TNKS2: variants seen among roughly 807,000 people sequenced by gnomAD.
TNKS2 encodes the protein poly [ADP-ribose] polymerase tankyrase-2.
TNKS2 carries 72 observed loss-of-function variants against 137.6 expected under a neutral mutation model. That is an observed-to-expected ratio of 0.52 (90% CI 0.43 to 0.64). The LOEUF (loss-of-function observed/expected upper bound fraction) is 0.64, where lower values mean the gene tolerates loss of function less well. Ranked by LOEUF, TNKS2 falls within the 30% of genes least tolerant of loss-of-function variation. The pLI, the probability that TNKS2 is intolerant of heterozygous loss-of-function variation, is 0.00. For missense variants in TNKS2, 1,049 were observed against 1,410.2 expected, an observed-to-expected ratio of 0.74 and a Z score of 4.10; for synonymous variants, 516 against 512.1, an observed-to-expected ratio of 1.01 and a Z score of -0.10.
intron 2 of TNKS2, among the ~76,000 whole-genome samples, chr10:91,813,837 A>G (rs190442212): frequency 9.3e-4 from 142 of 152,286 alleles, no homozygotes; most frequent in East Asian, 3.9e-4. Context: ...CTGACTTTGT[A>G]GCAGTCCTAA....
intron 12 of TNKS2, 40 bp from the exon 13 acceptor site, chr10:91,836,879 A>C: frequency 6.3e-7 from 1 of 1,591,330 alleles, no homozygotes; most frequent in Non-Finnish European, 8.5e-7. Context: ...CATCTTCCAA[A>C]TAGAGGTTAG....
chr10:91,809,144 A>G (rs1377942277), intron 1 of TNKS2, among the ~76,000 whole-genome samples: 1 of 152,208 alleles, frequency 6.6e-6, no homozygotes. Flanking sequence ...TTTTTAAGAA[A>G]GGAAGATGTA....
chr10:91,829,444 A>C (rs1351215526), intron 9 of TNKS2, among the ~76,000 whole-genome samples: 2 of 152,160 alleles, frequency 1.3e-5, no homozygotes, highest in Non-Finnish European at 2.9e-5. Context: ...TAACCTTAAA[A>C]CACACTAGGA....
intron 11 of TNKS2, 88 bp from the exon 12 acceptor site, chr10:91,833,763 CTT>C: frequency 9.2e-7 from 1 of 1,090,204 alleles, no homozygotes; most frequent in Non-Finnish European, 1.2e-6. Flanking sequence ...AGAATTGAGA[CTT>C]AAAAGTAGTA....
Position 91,840,576 on chromosome 10 carries a change from C to T in TNKS2, c.1543C>T (p.Gln515Ter), listed in dbSNP as rs370769267. The change falls in exon 14 of 27, where the codon CAG becomes TAG. Residue 515 changes from glutamine (Q) to a stop codon, truncating the protein, a stop_gained. Transcript: ENST00000371627. LOFTEE classifies it high-confidence loss of function. The stretch of plus-strand genomic sequence containing the variant: ...TGTCCTTCAGAAACTGTGTACTGTT[C>T]AGAGTGTCAACTGCAGAGACATTGA... ...VETVKKLCTV[Q>*]SVNCRDIEGR... The T allele has an allele frequency of 6.2e-7, 1 of 1,613,946 alleles. No homozygotes were observed. Among genetic ancestry groups the T allele is most frequent in the Non-Finnish European group, 8.5e-7 (1 of 1,179,924 alleles).
intron 9 of TNKS2, among the ~76,000 whole-genome samples, chr10:91,828,867 G>GATA (rs1465562340): frequency 6.6e-6 from 1 of 152,122 alleles, no homozygotes; most frequent in Non-Finnish European, 1.5e-5. Context: ...TTACTTCCCT[G>GATA]ATAGGGGTAA....
intron 13 of TNKS2, among the ~76,000 whole-genome samples, chr10:91,839,065 C>A (rs1842125441): frequency 6.6e-6 from 1 of 152,186 alleles, no homozygotes; most frequent in African/African-American, 2.4e-5. Flanking sequence ...GACGGTTTCA[C>A]CATGTTGGCC....
chr10:91,810,281 G>T (rs142525218), intron 1 of TNKS2, among the ~76,000 whole-genome samples: 14,241 of 151,772 alleles, frequency 0.094, 755 homozygotes, highest in East Asian at 0.19. Context: ...AGGAAGCTAA[G>T]GCAGGAGAAT....
At position 91,798,867 on chromosome 10, in the gene TNKS2, C is replaced by G. The variant is rs1339179828; in HGVS notation, c.177C>G (p.Ser59=). Residue 59 remains serine, a synonymous_variant, in exon 1 of 27, where the codon TCC becomes TCG. Coordinates refer to ENST00000371627, the MANE Select transcript of TNKS2 (RefSeq NM_025235.4). ...GCCGCGACACGGCGGGCAGGAAATC[C>G]ACCCCGCTGCACTTCGCCGCAGGTA... ...VNSRDTAGRK[S]TPLHFAAGFG... is the part of the protein sequence containing the mutation. The G allele has an allele frequency of 1.0e-5, 14 of 1,361,666 alleles. No individual in the cohort carries two copies. Among genetic ancestry groups the G allele is most frequent in the Non-Finnish European group, 1.3e-5 (14 of 1,048,856 alleles). 84.3% of individuals were successfully genotyped at this position (1,361,666 alleles called of 1,614,324 possible).
chr10:91,836,059 T>TG (rs1293381620), intron 12 of TNKS2, among the ~76,000 whole-genome samples: 1 of 128,890 alleles, frequency 7.8e-6, no homozygotes, highest in Non-Finnish European at 1.7e-5. Context: ...TTTTTTTTTT[T>TG]GAGACGAAGT....
In TNKS2 at chr10:91,848,397, C is replaced by A; in HGVS notation, c.2373C>A (p.Ser791Arg). Residue 791 changes from serine (S) to arginine (R), a missense_variant, in exon 19 of 27, where the codon AGC (serine) becomes AGA (arginine). Ser to Arg is a moderately radical substitution (Grantham distance 110). This residue lies in a region of TNKS2 where 208 missense variants were observed against 231.2 expected (regional missense o/e 0.90). Transcript: ENST00000371627. ...ACGTACCCTAGGCGGATGATGTCAG[C>A]GCTCTTCTGACAGCAGCCATGCCCC... ...PLDLVSADDV[S>R]ALLTAAMPPS... 6.2e-7 allele frequency: 1 copy of A among 1,614,106 alleles called. No homozygotes were observed. Among genetic ancestry groups the A allele is most frequent in the Non-Finnish European group, 8.5e-7 (1 of 1,179,984 alleles).
intron 23 of TNKS2, among the ~76,000 whole-genome samples, chr10:91,855,995 TTG>T (rs1277833959): frequency 3.3e-5 from 5 of 152,222 alleles, no homozygotes; most frequent in African/African-American, 9.6e-5. Flanking sequence ...AAGTACTCTA[TTG>T]TAACAAAGCT....
chr10:91,798,800 TG>T lies in TNKS2; in HGVS notation c.112del (p.Glu38AsnfsTer7). On this transcript the variant is annotated frameshift_variant, in exon 1 of 27. Transcript: ENST00000371627. LOFTEE classifies it high-confidence loss of function. ...TTCGAGGCGTGCCGCAACGGGGACG[TG>T]GAACGAGTCAAGAGGCTGGTGACGC... ...ELFEACRNGD[V>X]ERVKRLVTPE... The T allele has an allele frequency of 7.6e-7, 1 of 1,309,892 alleles. No individual in the cohort carries two copies. Among genetic ancestry groups the T allele is most frequent in the Non-Finnish European group, 9.8e-7 (1 of 1,019,968 alleles). 81.1% of individuals were successfully genotyped at this position (1,309,892 alleles called of 1,614,324 possible). A position where few individuals can be genotyped will look rare whatever the true frequency, so the allele number is the denominator to read the frequency against.
At chr10:91,861,548 A>G (rs1423442304) in intron 25 of TNKS2, among the ~76,000 whole-genome samples, 1 of 152,240 alleles carries the variant, frequency 6.6e-6, no homozygotes, top group Non-Finnish European at 1.5e-5. Context: ...TGAATATTTC[A>G]GTGATTTGAC....
chr10:91,823,358 C>A (rs2421704), intron 7 of TNKS2, among the ~76,000 whole-genome samples: 1 of 132,414 alleles, frequency 7.6e-6, no homozygotes. Context: ...GACGGAGTCT[C>A]GCTCTGTCGC....
rs1260433070 is a variant in TNKS2, at chr10:91,851,250, A to T, written c.2729A>T (p.Lys910Met). ...TLDVLVEMGH[K>M]ELKEIGINAY... ...GATGTATTAGTTGAGATGGGGCACA[A>T]GGAGCTGAAGGAGATTGGAATCAAT... is the stretch of plus-strand genomic sequence containing the variant. The change falls in exon 21 of 27, where the codon AAG (lysine) becomes ATG (methionine). Residue 910 changes from lysine to methionine, a missense_variant. Physicochemically the swap from Lys to Met is moderately conservative, Grantham distance 95. Coordinates refer to ENST00000371627, the MANE Select transcript of TNKS2 (RefSeq NM_025235.4). 1 of 1,613,480 alleles carries T rather than the reference A, an allele frequency of 6.2e-7. No homozygotes were observed. Among genetic ancestry groups the T allele is most frequent in the Non-Finnish European group, 8.5e-7 (1 of 1,179,830 alleles).
Position 91,855,601 on chromosome 10 carries a change from A to G in TNKS2, c.2914-13A>G. The G allele has an allele frequency of 6.2e-7, 1 of 1,606,594 alleles. No individual in the cohort carries two copies. Among genetic ancestry groups the G allele is most frequent in the Non-Finnish European group, 8.5e-7 (1 of 1,176,336 alleles). On this transcript the variant is annotated splice_polypyrimidine_tract_variant and intron_variant, in intron 22 of 26. Transcript: ENST00000371627. ...TGCTAATGCACATATATTTCAAACC[A>G]TTTTTCTGACAGATGCAAAGTACAG...
intron 9 of TNKS2, among the ~76,000 whole-genome samples, chr10:91,829,298 G>T (rs890975915): frequency 6.6e-6 from 1 of 151,132 alleles, no homozygotes; most frequent in Non-Finnish European, 1.5e-5. Context: ...AAAAAAAATA[G>T]CAAAGCTGTA....
intron 1 of TNKS2, among the ~76,000 whole-genome samples, chr10:91,802,593 C>G (rs1844203930): frequency 6.6e-6 from 1 of 152,184 alleles, no homozygotes; most frequent in African/African-American, 2.4e-5. Context: ...TGGGATGATT[C>G]CTCCAATTGA....
Sources: allele counts gnomAD v4.1 joint callset (sites outside exome capture counted in the v4.1 genomes callset), GRCh38; gene constraint gnomAD v4.1.1; regional missense constraint gnomAD v4.1.1; transcripts MANE v1.5; gene names NCBI Gene and HGNC (gene_info 2026-07-23, HGNC 2026-07-21).